Variants in NBEA observed in about 807,000 individuals in gnomAD.
The protein encoded by NBEA is neurobeachin, also known as lysosomal-trafficking regulator 2.
A neutral mutation model predicts 343.4 loss-of-function variants in NBEA; 44 were observed. The ratio of observed to expected loss-of-function variants is 0.13; its 90% CI spans 0.10 to 0.16. The LOEUF (loss-of-function observed/expected upper bound fraction) is 0.16, where lower values mean the gene tolerates loss of function less well. Among genes scored for constraint, NBEA ranks in the 10% least tolerant of loss-of-function variants. The pLI, the probability that NBEA is intolerant of heterozygous loss-of-function variation, is 1.00. For synonymous variants in NBEA, 1,175 were observed against 1,238.7 expected (o/e 0.95, Z 1.08); for missense variants, 2,555 against 3,631.3 (o/e 0.70, Z 7.62).
chr13:35,044,343 A>G (rs1282104676), intron 2 of NBEA, among the ~76,000 whole-genome samples: 3 of 152,160 alleles, frequency 2.0e-5, no homozygotes, highest in Non-Finnish European at 2.9e-5. Flanking sequence ...TAATAATGGT[A>G]CTTACCTCAT....
At chr13:35,353,665 A>T (rs111493109) in intron 38 of NBEA, among the ~76,000 whole-genome samples, 16 of 152,306 alleles carry the variant, frequency 1.1e-4, no homozygotes, top group African/African-American at 3.6e-4. Context: ...GCGAGGGACC[A>T]TACTAAGAAC....
Position 35,196,733 on chromosome 13 carries a change from T to TG in NBEA, c.5366+431_5366+432insG, listed in dbSNP as rs568544228. ...ATTGTTGGAGATTATATGACATGCT[T>TG]TAAGTGATAATATTTAAATTTGAAC... On this transcript the variant is annotated intron_variant, in intron 31 of 58. Transcript: ENST00000379939. Among the ~76,000 whole-genome samples, 222 of 152,210 alleles carry TG rather than the reference T, an allele frequency of 1.5e-3. 1 individual carries two copies. The highest frequency in any genetic ancestry group is 4.9e-3 in the African/African-American group (203 of 41,544).
chr13:35,058,794 G>T lies in NBEA; in HGVS notation c.1170G>T (p.Val390=). ...TATTCTGTGGTCAACTTGGTGCCGTGTATGTGTTCAGTGAAGCACTCAACC... is the reference window on the plus strand; with the variant it reads ...TATTCTGTGGTCAACTTGGTGCCGTTTATGTGTTCAGTGAAGCACTCAACC... ...NRVFCGQLGA[V]YVFSEALNPA... Residue 390 remains valine (V), a synonymous_variant, in exon 8 of 59, where the codon GTG becomes GTT. Transcript: ENST00000379939. 6.2e-7 allele frequency: 1 copy of T among 1,605,194 alleles called. No homozygotes were observed. Among genetic ancestry groups the T allele is most frequent in the Non-Finnish European group, 8.5e-7 (1 of 1,175,344 alleles).
chr13:35,013,424 T>A (rs1420751709), intron 1 of NBEA, among the ~76,000 whole-genome samples: 1 of 152,158 alleles, frequency 6.6e-6, no homozygotes, highest in African/African-American at 2.4e-5. Flanking sequence ...TATTTCACTT[T>A]AGTTTCTTTT....
At chr13:35,008,492 G>T (rs117946230) in intron 1 of NBEA, among the ~76,000 whole-genome samples, 6,959 of 152,140 alleles carry the variant, frequency 0.046, 235 homozygotes, top group Non-Finnish European at 0.067. Context: ...AAAAATGTTT[G>T]TGTATGTTCA....
At chr13:35,305,314 T>G (rs889735245) in intron 35 of NBEA, among the ~76,000 whole-genome samples, 2 of 152,220 alleles carry the variant, frequency 1.3e-5, no homozygotes, top group African/African-American at 4.8e-5. Flanking sequence ...GTACTTCCAT[T>G]AACAATTATT....
intron 4 of NBEA, among the ~76,000 whole-genome samples, chr13:35,048,316 T>C (rs2062937673): frequency 6.6e-6 from 1 of 151,964 alleles, no homozygotes; most frequent in Non-Finnish European, 1.5e-5. Flanking sequence ...AAACCCGCTA[T>C]GTAATCTAGA....
chr13:35,110,508 T>C (rs2066147693), intron 12 of NBEA, among the ~76,000 whole-genome samples: 2 of 152,176 alleles, frequency 1.3e-5, no homozygotes, highest in Admixed American at 1.3e-4. Flanking sequence ...TAGTTGACTT[T>C]TAAAATATTT....
intron 38 of NBEA, among the ~76,000 whole-genome samples, chr13:35,362,674 T>C (rs2040877964): frequency 6.6e-6 from 1 of 151,978 alleles, no homozygotes; most frequent in African/African-American, 2.4e-5. Context: ...TTTTAATGGC[T>C]ATAAAGCCTC....
At chr13:35,660,370 A>G (rs2085030334) in intron 55 of NBEA, among the ~76,000 whole-genome samples, 1 of 152,266 alleles carries the variant, frequency 6.6e-6, no homozygotes, top group Non-Finnish European at 1.5e-5. Flanking sequence ...GCCATGTGAA[A>G]CTTTGAAAGA....
At chr13:35,412,543 C>A (rs953085658) in intron 38 of NBEA, among the ~76,000 whole-genome samples, 1 of 152,090 alleles carries the variant, frequency 6.6e-6, no homozygotes, top group African/African-American at 2.4e-5. Context: ...AGGCTAGAAT[C>A]ATGCTGATAT....
chr13:35,141,511 C>T (rs1467033100), intron 17 of NBEA, among the ~76,000 whole-genome samples: 1 of 152,158 alleles, frequency 6.6e-6, no homozygotes, highest in Non-Finnish European at 1.5e-5. Flanking sequence ...GTGATCCACC[C>T]ACCTCAGCCT....
intron 33 of NBEA, among the ~76,000 whole-genome samples, chr13:35,217,243 CTG>C (rs1426907752): frequency 6.6e-6 from 1 of 151,888 alleles, no homozygotes; most frequent in Admixed American, 6.6e-5. Context: ...CTTTTGAACT[CTG>C]AGAGTTTTTG....
At chr13:35,201,017 T>A (rs563092440) in intron 31 of NBEA, among the ~76,000 whole-genome samples, 62 of 152,130 alleles carry the variant, frequency 4.1e-4, no homozygotes, top group African/African-American at 1.3e-3. Context: ...ACTATTTTTT[T>A]AAAAAAGTAT....
intron 1 of NBEA, among the ~76,000 whole-genome samples, chr13:34,955,980 C>T (rs1389436461): frequency 2.0e-5 from 3 of 152,164 alleles, no homozygotes; most frequent in African/African-American, 7.2e-5. Flanking sequence ...CTAAAATTAA[C>T]CATCATAAGA....
chr13:35,451,949 A>G (rs2046332840), intron 39 of NBEA, 143 bp from the exon 40 acceptor site: 3 of 656,854 alleles, frequency 4.6e-6, no homozygotes, highest in African/African-American at 1.8e-5. Flanking sequence ...CAAACAAGAT[A>G]AAGAAGGTTA....
At position 35,671,030 on chromosome 13, in the gene NBEA, G is replaced by A. The variant is rs1296474167; in HGVS notation, c.*39G>A. The A allele has an allele frequency of 3.5e-6, 5 of 1,427,204 alleles. No homozygotes were observed. The highest frequency in any genetic ancestry group is 4.9e-5 in the East Asian group (2 of 40,942). 88.4% of individuals were successfully genotyped at this position (1,427,204 alleles called of 1,614,324 possible). A position where few individuals can be genotyped will look rare whatever the true frequency, so the allele number is the denominator to read the frequency against. Reference sequence around the variant, plus strand: ...ACCAAAAGCCAAGTTAAAGCTGAGAGCACAAGTGCTGCATGGAAAGGCAAT... The same window carrying A: ...ACCAAAAGCCAAGTTAAAGCTGAGAACACAAGTGCTGCATGGAAAGGCAAT... On this transcript the variant is annotated 3_prime_UTR_variant, in exon 59 of 59. Transcript: ENST00000379939.
chr13:35,609,590 G>A (rs937928509), intron 48 of NBEA, among the ~76,000 whole-genome samples: 1 of 152,112 alleles, frequency 6.6e-6, no homozygotes, highest in Non-Finnish European at 1.5e-5. Context: ...GGCATTTGGC[G>A]TTAGCATTTT....
rs1050430966 is a variant in NBEA at position 35,672,706 on chromosome 13, A to G, written c.*1715A>G. ...CAGATGTGTGTGAGTTGGAAATCAA[A>G]AAAAGAAAAATAAAATATGCAAAGA... On this transcript the variant is annotated 3_prime_UTR_variant, in exon 59 of 59. Transcript: ENST00000379939. 3 of 152,682 alleles carry G rather than the reference A, an allele frequency of 2.0e-5. No homozygotes were observed. Among genetic ancestry groups the G allele is most frequent in the African/African-American group, 7.2e-5 (3 of 41,466 alleles). The allele number at this position is 152,682 out of a possible 1,614,324, so 9.5% of individuals were successfully genotyped here. A position where few individuals can be genotyped will look rare whatever the true frequency, so the allele number is the denominator to read the frequency against.
Sources: gnomAD v4.1 joint callset for allele counts (sites outside exome capture counted in the v4.1 genomes callset) on GRCh38, gnomAD v4.1.1 for gene constraint, MANE v1.5 for transcripts, NCBI Gene and HGNC (gene_info 2026-07-23, HGNC 2026-07-21) for gene names.